Variants in SLCO6A1 observed in about 807,000 individuals in gnomAD.
The protein encoded by SLCO6A1 is solute carrier organic anion transporter family member 6A1, also known as cancer/testis antigen 48.
A neutral mutation model predicts 72.7 loss-of-function variants in SLCO6A1; 65 were observed. The observed-to-expected ratio is 0.89, with a 90% CI of 0.73 to 1.10. The LOEUF (loss-of-function observed/expected upper bound fraction) is 1.10, where lower values mean the gene tolerates loss of function less well. Among genes scored for constraint, SLCO6A1 ranks in the 50% least tolerant of loss-of-function variants. SLCO6A1 has a pLI of 0.00. For missense variants in SLCO6A1, 874 were observed against 872.6 expected (o/e 1.00, Z -0.02); for synonymous variants, 314 against 298.2 (o/e 1.05, Z -0.55).
At position 102,413,039 on chromosome 5, in the gene SLCO6A1, G is replaced by T. The variant is rs1465681394; in HGVS notation, c.1577C>A (p.Ser526Tyr). 1.3e-6 allele frequency: 2 copies of T among 1,563,342 alleles called. No individual in the cohort carries two copies. Among genetic ancestry groups the T allele is most frequent in the Non-Finnish European group, 1.7e-6 (2 of 1,161,608 alleles). ...ATATGTACACCCTGCAAAGCAGGGA[G>T]AAAAATATTCAATATCATCTCTTCC... Reference protein sequence around the residue: ...ICGRDDIEYFSPCFAGCTYSK... With the variant: ...ICGRDDIEYFYPCFAGCTYSK... Residue 526 changes from serine to tyrosine, a missense_variant, in exon 9 of 14, where the codon TCT becomes TAT. Ser to Tyr is a moderately radical substitution (Grantham distance 144). Transcript: ENST00000506729.
chr5:102,443,090 G>A (rs915429641), intron 6 of SLCO6A1, among the ~76,000 whole-genome samples: 1 of 152,184 alleles, frequency 6.6e-6, no homozygotes, highest in South Asian at 2.1e-4. Flanking sequence ...CCAGCTACTC[G>A]GGAGGCTGAG....
intron 13 of SLCO6A1, 121 bp downstream of exon 13, chr5:102,373,216 T>C (rs1750720905): frequency 3.4e-6 from 2 of 588,010 alleles, no homozygotes; most frequent in Non-Finnish European, 4.7e-6. Flanking sequence ...GCACTCAAAA[T>C]ATAATAAAAT....
intron 10 of SLCO6A1, among the ~76,000 whole-genome samples, chr5:102,393,629 A>C (rs2112529537): frequency 6.6e-6 from 1 of 152,284 alleles, no homozygotes; most frequent in African/African-American, 2.4e-5. Flanking sequence ...TAGTAAAACT[A>C]CATTTTTTTT....
At chr5:102,432,469 G>A (rs1158620358) in intron 7 of SLCO6A1, among the ~76,000 whole-genome samples, 1 of 152,124 alleles carries the variant, frequency 6.6e-6, no homozygotes, top group African/African-American at 2.4e-5. Context: ...GTTTGAAAAT[G>A]ATTTTATTTC....
At chr5:102,491,644 AG>A (rs1490085956) in intron 1 of SLCO6A1, among the ~76,000 whole-genome samples, 5 of 152,352 alleles carry the variant, frequency 3.3e-5, no homozygotes, top group African/African-American at 1.2e-4. Context: ...CTCCGAGTTC[AG>A]GGCCCACTGA....
chr5:102,375,488 T>C (rs1745733669), intron 12 of SLCO6A1, among the ~76,000 whole-genome samples: 1 of 152,114 alleles, frequency 6.6e-6, no homozygotes, highest in South Asian at 2.1e-4. Flanking sequence ...ACAAAAGGTC[T>C]GGAATGCAAT....
rs1219514841 is a variant in SLCO6A1 at position 102,464,004 on chromosome 5, A to G, written c.900-4227T>C. Among the ~76,000 whole-genome samples the G allele has an allele frequency of 3.9e-5, 6 of 152,156 alleles. No homozygotes were observed. In the South Asian group the frequency reaches 1.0e-3, roughly 26 times the overall value. On this transcript the variant is annotated intron_variant, in intron 4 of 13. Transcript: ENST00000506729. ...AGCTAAGCTATGAGCATGTAAAGGC[A>G]TAAGAAGAAATGTAATGGACTTTGG... is the stretch of plus-strand genomic sequence containing the variant.
chr5:102,408,835 G>A (rs913890084), intron 9 of SLCO6A1, among the ~76,000 whole-genome samples: 2 of 152,074 alleles, frequency 1.3e-5, no homozygotes, highest in Non-Finnish European at 2.9e-5. Context: ...AAGATAGGAG[G>A]TCAGTAAATA....
chr5:102,406,752 A>G (rs567879721), intron 9 of SLCO6A1, among the ~76,000 whole-genome samples: 205 of 152,342 alleles, frequency 1.3e-3, no homozygotes, highest in Non-Finnish European at 2.5e-3. Flanking sequence ...TTCTAAAAAA[A>G]AACATTAATA....
intron 1 of SLCO6A1, among the ~76,000 whole-genome samples, chr5:102,496,001 A>C (rs1197732488): frequency 6.6e-6 from 1 of 152,254 alleles, no homozygotes; most frequent in Non-Finnish European, 1.5e-5. Flanking sequence ...TTTTGGCCCC[A>C]AAATGAAAAG....
At chr5:102,480,026 A>G (rs774216172) in intron 2 of SLCO6A1, 151 bp downstream of exon 2, 1 of 691,454 alleles carries the variant, frequency 1.4e-6, no homozygotes, top group Non-Finnish European at 2.3e-6. Context: ...GAATGCTACA[A>G]TTAGTTAATT....
Position 102,413,261 on chromosome 5 carries a change from C to G in SLCO6A1, c.1473-118G>C, listed in dbSNP as rs1385335631. ...TTATTGAAATAATTTCTTTTTTTAA[C>G]AGCTTTACTGAGGTCTGAGGTACAA... On this transcript the variant is annotated intron_variant, in intron 8 of 13. Coordinates refer to ENST00000506729, the MANE Select transcript of SLCO6A1 (RefSeq NM_173488.5). 5 of 1,017,362 alleles carry G rather than the reference C, an allele frequency of 4.9e-6. No individual in the cohort carries two copies. In the East Asian group the frequency reaches 1.5e-4, roughly 31 times the overall value. The allele number at this position is 1,017,362 out of a possible 1,614,324, so 63.0% of individuals were successfully genotyped here.
intron 1 of SLCO6A1, among the ~76,000 whole-genome samples, chr5:102,486,578 G>A (rs1347090088): frequency 2.0e-5 from 3 of 151,996 alleles, no homozygotes; most frequent in Non-Finnish European, 4.4e-5. Context: ...ATTGTTTCCA[G>A]GAGGCAAAGA....
intron 4 of SLCO6A1, 66 bp downstream of exon 4, chr5:102,475,631 G>T: frequency 1.0e-6 from 1 of 982,262 alleles, no homozygotes; most frequent in Non-Finnish European, 1.5e-6. Flanking sequence ...TTACTTGTAA[G>T]CTATGGTAGC....
In SLCO6A1 at chr5:102,480,449, G is replaced by T. The variant is rs372185959; in HGVS notation, c.359-15C>A. The T allele has an allele frequency of 1.9e-6, 3 of 1,585,668 alleles. No homozygotes were observed. The highest frequency in any genetic ancestry group is 2.6e-6 in the Non-Finnish European group (3 of 1,169,430). On this transcript the variant is annotated splice_polypyrimidine_tract_variant and intron_variant, in intron 1 of 13. Coordinates refer to ENST00000506729, the MANE Select transcript of SLCO6A1 (RefSeq NM_173488.5). ...AAACACCACACCTAAAATGTAAAAAGAAAAAGAGAAAACAACGATATGCAT... is the reference window on the plus strand; with the variant it reads ...AAACACCACACCTAAAATGTAAAAATAAAAAGAGAAAACAACGATATGCAT...
Position 102,388,755 on chromosome 5 carries a change from T to C in SLCO6A1, c.1950A>G (p.Lys650=), listed in dbSNP as rs775516782. The C allele has an allele frequency of 1.7e-5, 27 of 1,608,656 alleles. No homozygotes were observed. The highest frequency in any genetic ancestry group is 2.1e-5 in the Non-Finnish European group (25 of 1,178,162). The change falls in exon 12 of 14, where the codon AAA becomes AAG. Residue 650 remains lysine, a synonymous_variant. Coordinates refer to ENST00000506729, the MANE Select transcript of SLCO6A1 (RefSeq NM_173488.5). The part of the protein sequence containing the change: ...ETSCILRDVN[K]CGHTGRCWIY... ...TCCAACAACGTCCTGTGTGTCCACA[T>C]TTATTAACATCCCGTAAAATACAAG...
intron 4 of SLCO6A1, among the ~76,000 whole-genome samples, chr5:102,467,697 T>C (rs766610162): frequency 4.6e-5 from 7 of 152,158 alleles, no homozygotes; most frequent in Non-Finnish European, 7.4e-5. Context: ...ATTTCATTTC[T>C]AATTGAGCTT....
At chr5:102,445,406 C>T (rs1226445732) in intron 6 of SLCO6A1, among the ~76,000 whole-genome samples, 1 of 152,008 alleles carries the variant, frequency 6.6e-6, no homozygotes, top group Non-Finnish European at 1.5e-5. Context: ...CTGTTTATGT[C>T]CTTTGCCCAT....
chr5:102,415,694 A>G (rs900899864), intron 8 of SLCO6A1, among the ~76,000 whole-genome samples: 2 of 152,188 alleles, frequency 1.3e-5, no homozygotes, highest in African/African-American at 4.8e-5. Flanking sequence ...CAACCAAACA[A>G]AAATAGACAA....
Sources: allele counts gnomAD v4.1 joint callset (sites outside exome capture counted in the v4.1 genomes callset), GRCh38; gene constraint gnomAD v4.1.1; transcripts MANE v1.5; gene names NCBI Gene and HGNC (gene_info 2026-07-23, HGNC 2026-07-21).